The following RMND1 variants were observed in gnomAD, a reference collection of about 807,000 sequenced individuals.
RMND1 encodes the protein required for meiotic nuclear division protein 1 homolog.
A neutral mutation model predicts 54.0 loss-of-function variants in RMND1; 41 were observed. That is an observed-to-expected ratio of 0.76 (90% CI 0.59 to 0.98). The LOEUF is 0.98. Ranked by LOEUF, RMND1 falls within the 50% of genes least tolerant of loss-of-function variation. RMND1 has a pLI of 0.00. For missense variants in RMND1, 457 were observed against 532.0 expected (o/e 0.86, Z 1.39); for synonymous variants, 183 against 181.7 (o/e 1.01, Z -0.06).
chr6:151,451,718 G>C (rs953632551), intron 1 of RMND1, among the ~76,000 whole-genome samples: 1 of 152,158 alleles, frequency 6.6e-6, no homozygotes, highest in Non-Finnish European at 1.5e-5. Flanking sequence ...ATTACAGCTA[G>C]GCTACGATTC....
At chr6:151,405,592 T>C (rs1779585986) in intron 11 of RMND1, 128 bp downstream of exon 11, 1 of 632,056 alleles carries the variant, frequency 1.6e-6, no homozygotes, top group Non-Finnish European at 2.8e-6. Flanking sequence ...CCAAATAGAG[T>C]TAGTAATGAT....
chr6:151,421,220 T>C, intron 9 of RMND1, 25 bp downstream of exon 9: 1 of 1,495,082 alleles, frequency 6.7e-7, no homozygotes, highest in Admixed American at 1.8e-5. Flanking sequence ...ATATGAAATA[T>C]TTTATTTAGA....
In RMND1 at chr6:151,427,564, C is replaced by T. The variant is rs149902596; in HGVS notation, c.748G>A (p.Val250Ile). 3.1e-6 allele frequency: 5 copies of T among 1,608,158 alleles called. No individual in the cohort carries two copies. In the African/African-American group the frequency reaches 6.7e-5, roughly 22 times the overall value. Residue 250 changes from valine (V) to isoleucine (I), a missense_variant, in exon 6 of 12, where the codon GTT becomes ATT. Val to Ile is a conservative substitution (Grantham distance 29). Coordinates refer to ENST00000444024, the MANE Select transcript of RMND1 (RefSeq NM_017909.4). ...GGCTGAATTTCATGTTTTTCTAGAA[C>T]TTTCATCACATGCTTCATCTAGAAG... Reference protein sequence around the residue: ...KDKTMKHVMKVLEKHEIQPYE... With the variant: ...KDKTMKHVMKILEKHEIQPYE...
chr6:151,423,148 G>A (rs3800272), intron 7 of RMND1, among the ~76,000 whole-genome samples: 83,469 of 152,018 alleles, frequency 0.55, 25,726 homozygotes, highest in African/African-American at 0.84. Context: ...CATTCCTATG[G>A]AACACTAGAG....
At chr6:151,445,061 C>T (rs1345469041) in intron 2 of RMND1, 2 of 396,958 alleles carry the variant, frequency 5.0e-6, no homozygotes, top group African/African-American at 4.1e-5. Context: ...AGACCAATAA[C>T]CAAATCTTTT....
intron 6 of RMND1, among the ~76,000 whole-genome samples, chr6:151,424,666 A>T (rs1320545994): frequency 2.6e-5 from 4 of 152,160 alleles, no homozygotes; most frequent in Non-Finnish European, 4.4e-5. Flanking sequence ...ATGGAGTGTA[A>T]TCTAAAATCA....
intron 9 of RMND1, 117 bp downstream of exon 9, chr6:151,421,126 GAA>G: frequency 1.4e-6 from 1 of 725,324 alleles, no homozygotes. Flanking sequence ...TCAATGAAAT[GAA>G]AACAGCTACA....
At chr6:151,412,317 A>T (rs986083460) in intron 10 of RMND1, among the ~76,000 whole-genome samples, 19 of 145,654 alleles carry the variant, frequency 1.3e-4, no homozygotes, top group African/African-American at 4.5e-4. Context: ...TTGCTTTTTA[A>T]TTTTTTTTTT....
chr6:151,415,789 T>C (rs1779985813), intron 10 of RMND1, among the ~76,000 whole-genome samples: 1 of 82,972 alleles, frequency 1.2e-5, no homozygotes, highest in African/African-American at 8.8e-5. Context: ...CAAGACTCCG[T>C]CTCAAAAAAA....
At position 151,434,024 on chromosome 6, in the gene RMND1, T is replaced by C. The variant is rs114896512; in HGVS notation, c.614-794A>G. The stretch of plus-strand genomic sequence containing the variant: ...CCGCACCTGGCTAAGTTTTTGTTTA[T>C]GTTTTGTAGAGATGAGGTCTCACTA... On this transcript the variant is annotated intron_variant, in intron 3 of 11. Transcript: ENST00000444024. 4.9e-3 allele frequency among the ~76,000 whole-genome samples: 738 copies of C among 150,052 alleles called. 6 individuals carry two copies. The highest frequency in any genetic ancestry group is 0.017 in the African/African-American group (707 of 40,768).
intron 2 of RMND1, among the ~76,000 whole-genome samples, chr6:151,438,562 G>A (rs867686083): frequency 6.6e-6 from 1 of 152,106 alleles, no homozygotes; most frequent in Non-Finnish European, 1.5e-5. Context: ...CCTACATCAC[G>A]TTTCTAAAAT....
At chr6:151,407,675 G>A (rs891991018) in intron 10 of RMND1, among the ~76,000 whole-genome samples, 8 of 152,060 alleles carry the variant, frequency 5.3e-5, no homozygotes, top group African/African-American at 1.7e-4. Flanking sequence ...CGGGAGGCTG[G>A]GGCAGGAGGA....
At chr6:151,426,838 C>T (rs1366044059) in intron 6 of RMND1, among the ~76,000 whole-genome samples, 2 of 151,920 alleles carry the variant, frequency 1.3e-5, no homozygotes, top group Non-Finnish European at 2.9e-5. Flanking sequence ...GGCGTGATCT[C>T]GGCTCACTGC....
At chr6:151,408,787 G>A (rs1462582874) in intron 10 of RMND1, 1 of 152,216 alleles carries the variant, frequency 6.6e-6, no homozygotes, top group Non-Finnish European at 1.5e-5. Flanking sequence ...AGGGGGCCAT[G>A]AGCAAGGAAT....
chr6:151,444,456 G>A (rs938828592), intron 2 of RMND1: 58 of 152,132 alleles, frequency 3.8e-4, no homozygotes, highest in African/African-American at 1.3e-3. Flanking sequence ...GTAAAGGTAT[G>A]TATGTATACC....
In RMND1 at chr6:151,424,613, C is replaced by A. The variant is rs1477441507; in HGVS notation, c.831-982G>T. 3.9e-5 allele frequency among the ~76,000 whole-genome samples: 6 copies of A among 152,038 alleles called. No homozygotes were observed. In the South Asian group the frequency reaches 6.2e-4, roughly 16 times the overall value. ...TAGTTAATAAAAAGGAGAACGTTCA[C>A]AGTAAATTTCTATGTGAAAAAATGC... is the stretch of plus-strand genomic sequence containing the variant. On this transcript the variant is annotated intron_variant, in intron 6 of 11. Transcript: ENST00000444024.
In RMND1 at chr6:151,451,212, A is replaced by C. The variant is rs576990077; in HGVS notation, c.-15+804T>G. ...AGAATGATCAATAAAAAAAAAAAAA[A>C]AAAAAAACACAACCAGCATCCATTC... On this transcript the variant is annotated intron_variant, in intron 1 of 11. Coordinates refer to ENST00000444024, the MANE Select transcript of RMND1 (RefSeq NM_017909.4). 7.6e-4 allele frequency among the ~76,000 whole-genome samples: 116 copies of C among 151,884 alleles called. No individual in the cohort carries two copies. In the Middle Eastern group the frequency reaches 0.01, roughly 13 times the overall value.
At chr6:151,409,308 C>T (rs1779730171) in intron 10 of RMND1, among the ~76,000 whole-genome samples, 1 of 152,166 alleles carries the variant, frequency 6.6e-6, no homozygotes, top group South Asian at 2.1e-4. Context: ...GCTAATGAAT[C>T]CATGATACTT....
intron 10 of RMND1, chr6:151,408,836 G>T (rs1779714661): frequency 1.3e-5 from 2 of 152,212 alleles, no homozygotes; most frequent in Admixed American, 1.3e-4. Flanking sequence ...TGAGGAAATG[G>T]ATTCCACTCG....
Sources: allele counts gnomAD v4.1 joint callset (sites outside exome capture counted in the v4.1 genomes callset), GRCh38; gene constraint gnomAD v4.1.1; transcripts MANE v1.5; gene names NCBI Gene and HGNC (gene_info 2026-07-23, HGNC 2026-07-21).